Variants in TENM3 observed in about 807,000 individuals in gnomAD.
TENM3 encodes the protein teneurin-3.
Under a neutral mutation model 255.1 loss-of-function variants are expected in TENM3, and 63 were observed. The ratio of observed to expected loss-of-function variants is 0.25; its 90% CI spans 0.20 to 0.30. TENM3 has a LOEUF of 0.30. TENM3 is among the 10% of genes least tolerant of loss of function. The pLI is 1.00. For missense variants in TENM3, 2,929 were observed against 3,461.1 expected (o/e 0.85, Z 3.86); for synonymous variants, 1,306 against 1,322.3 (o/e 0.99, Z 0.27).
chr4:182,039,134 C>T, the TENM3 span, among the ~76,000 whole-genome samples: 14 of 152,170 alleles, frequency 9.2e-5, no homozygotes, highest in African/African-American at 2.9e-4. Context: ...ATCTGAGGTC[C>T]GGAGCTAAAG....
chr4:181,470,544 C>G, the TENM3 span, among the ~76,000 whole-genome samples: 2 of 152,282 alleles, frequency 1.3e-5, no homozygotes, highest in East Asian at 3.9e-4. Context: ...CCGAGAGCAG[C>G]ACAACCTTAT....
the TENM3 span, among the ~76,000 whole-genome samples, chr4:182,058,666 A>G: frequency 1.3e-5 from 2 of 152,178 alleles, no homozygotes; most frequent in African/African-American, 4.8e-5. Context: ...CAACTCTTCA[A>G]TTGAATAAAG....
At chr4:182,594,855 G>T (rs1316291046) in intron 3 of TENM3, among the ~76,000 whole-genome samples, 1 of 151,924 alleles carries the variant, frequency 6.6e-6, no homozygotes, top group Non-Finnish European at 1.5e-5. Context: ...AAGTAGCTAG[G>T]ATTACAGGCA....
At position 182,470,182 on chromosome 4, in the gene TENM3, T is replaced by G. The variant is rs186830924; in HGVS notation, c.511+123253T>G. ...GTTTGTACTGTCCTAAGCAAGTCAT[T>G]TATTAACTAGTGAAAATAATATGTA... On this transcript the variant is annotated intron_variant, in intron 3 of 27. Transcript: ENST00000511685. 2.5e-4 allele frequency among the ~76,000 whole-genome samples: 38 copies of G among 152,314 alleles called. 1 individual carries two copies.
intron 2 of TENM3, among the ~76,000 whole-genome samples, chr4:182,328,108 A>G (rs1356567327): frequency 1.3e-5 from 2 of 152,226 alleles, no homozygotes; most frequent in Admixed American, 1.3e-4. Context: ...TATAAGAGTT[A>G]GTCAATAATC....
the TENM3 span, among the ~76,000 whole-genome samples, chr4:182,016,986 A>T: frequency 3.3e-5 from 5 of 152,226 alleles, no homozygotes; most frequent in African/African-American, 1.2e-4. Flanking sequence ...TCATTTACCA[A>T]AAGTCATAAA....
At chr4:181,517,350 A>G in the TENM3 span, among the ~76,000 whole-genome samples, 1 of 152,168 alleles carries the variant, frequency 6.6e-6, no homozygotes, top group Non-Finnish European at 1.5e-5. Context: ...CCAAAGTCAA[A>G]TAAAGCTCCT....
chr4:181,467,009 CAGAACTTACTCTATTACATGTGAAAACTG>C, the TENM3 span, among the ~76,000 whole-genome samples: 3 of 146,476 alleles, frequency 2.0e-5, no homozygotes, highest in Non-Finnish European at 4.5e-5. Flanking sequence ...GGTAAAAACT[CAGAACTTACTCTATTACATGTGAAAACTG>C]AGAACTGGGT....
chr4:181,817,191 A>G, the TENM3 span, among the ~76,000 whole-genome samples: 1 of 152,196 alleles, frequency 6.6e-6, no homozygotes, highest in South Asian at 2.1e-4. Flanking sequence ...TAAATTGAAT[A>G]TTGAGCACCT....
intron 3 of TENM3, among the ~76,000 whole-genome samples, chr4:182,382,758 C>T (rs1767658552): frequency 6.6e-6 from 1 of 152,134 alleles, no homozygotes; most frequent in African/African-American, 2.4e-5. Flanking sequence ...GCCCCAAATT[C>T]CTGTGATCTT....
the TENM3 span, among the ~76,000 whole-genome samples, chr4:181,796,623 C>T: frequency 2.8e-4 from 43 of 152,096 alleles, no homozygotes; most frequent in Admixed American, 1.1e-3. Flanking sequence ...ACATGAGAGG[C>T]GAAGTAGAAT....
intron 3 of TENM3, among the ~76,000 whole-genome samples, chr4:182,361,059 T>A (rs1339633293): frequency 6.6e-6 from 1 of 152,238 alleles, no homozygotes; most frequent in African/African-American, 2.4e-5. Flanking sequence ...TCCCATTCTC[T>A]TCTGGCTTGT....
At chr4:181,698,294 T>C in the TENM3 span, among the ~76,000 whole-genome samples, 19 of 152,064 alleles carry the variant, frequency 1.2e-4, no homozygotes, top group Non-Finnish European at 2.1e-4. Context: ...AGAAATAAGG[T>C]GCTCAAGGCC....
At chr4:181,757,363 A>G in the TENM3 span, among the ~76,000 whole-genome samples, 2 of 152,184 alleles carry the variant, frequency 1.3e-5, no homozygotes, top group African/African-American at 2.4e-5. Context: ...CAGGGTCTGT[A>G]TCATATGCAG....
the TENM3 span, among the ~76,000 whole-genome samples, chr4:182,073,211 G>A: frequency 6.6e-6 from 1 of 152,302 alleles, no homozygotes; most frequent in African/African-American, 2.4e-5. Flanking sequence ...CAAGCAAGCA[G>A]GGGAAATGCC....
chr4:182,740,898 C>T (rs543221113), intron 18 of TENM3, among the ~76,000 whole-genome samples: 1 of 152,236 alleles, frequency 6.6e-6, no homozygotes, highest in East Asian at 1.9e-4. Context: ...ATATTTAGGC[C>T]GAGCACGGTG....
At chr4:182,246,606 C>T (rs539620561) in intron 1 of TENM3, among the ~76,000 whole-genome samples, 8 of 152,270 alleles carry the variant, frequency 5.3e-5, no homozygotes, top group African/African-American at 1.7e-4. Context: ...GAATGTGTCT[C>T]GTCCGTATGT....
chr4:182,051,376 C>T, the TENM3 span, among the ~76,000 whole-genome samples: 100,245 of 139,716 alleles, frequency 0.72, 38,370 homozygotes, highest in East Asian at 0.91. Flanking sequence ...TATTTTTCCT[C>T]TCTTTTTTTT....
At chr4:182,299,001 A>AAAAAAAAAAAAAAAAAAAAAG in intron 1 of TENM3, among the ~76,000 whole-genome samples, 1 of 116,272 alleles carries the variant, frequency 8.6e-6, no homozygotes. Flanking sequence ...AAAAAAAAAA[A>AAAAAAAAAAAAAAAAAAAAAG]AAAAAAAAAA....
Sources: allele counts gnomAD v4.1 joint callset (sites outside exome capture counted in the v4.1 genomes callset), GRCh38; gene constraint gnomAD v4.1.1; transcripts MANE v1.5; gene names NCBI Gene and HGNC (gene_info 2026-07-23, HGNC 2026-07-21).